Variants in MRPL23 observed in about 807,000 individuals in gnomAD.
MRPL23 encodes large ribosomal subunit protein uL23m.
For synonymous variants in MRPL23, 12 were observed against 34.8 expected, an observed-to-expected ratio of 0.35 and a Z score of 2.30; for missense variants, 25 against 81.3, an observed-to-expected ratio of 0.31 and a Z score of 2.66.
the MRPL23 span, chr11:1,991,847 G>A: frequency 7.2e-5 from 10 of 137,936 alleles, 2 homozygotes; most frequent in South Asian, 6.1e-4. Flanking sequence ...TTGAGTCCCC[G>A]ACTGTTTTCT....
At chr11:1,991,418 G>C in the MRPL23 span, among the ~76,000 whole-genome samples, 1 of 36,938 alleles carries the variant, frequency 2.7e-5, no homozygotes, top group Non-Finnish European at 6.4e-5. Flanking sequence ...CCTATGCTAT[G>C]CCTAGTGTGG....
At chr11:1,994,342 A>T in the MRPL23 span, among the ~76,000 whole-genome samples, 2 of 95,804 alleles carry the variant, frequency 2.1e-5, 1 homozygote, top group Non-Finnish European at 5.7e-5. Flanking sequence ...CTGACCCGGA[A>T]CCCATGAGTG....
At chr11:1,971,390 GCGGCTGCCCCGGGCCCTGGCT>G (rs1000608999) in intron 4 of MRPL23, among the ~76,000 whole-genome samples, 1 of 107,092 alleles carries the variant, frequency 9.3e-6, no homozygotes, top group Admixed American at 9.5e-5. Flanking sequence ...GTGCCACTTT[GCGGCTGCCCCGGGCCCTGGCT>G]CGGCTGCCCT....
At chr11:1,948,743 G>A (rs2119475974) in intron 1 of MRPL23, among the ~76,000 whole-genome samples, 1 of 43,246 alleles carries the variant, frequency 2.3e-5, no homozygotes, top group Middle Eastern at 0.014. Context: ...CCCATGCGGA[G>A]TGCTTGGGGT....
the MRPL23 span, among the ~76,000 whole-genome samples, chr11:1,991,550 T>TCACACACACACA: frequency 1.6e-4 from 11 of 67,822 alleles, no homozygotes; most frequent in East Asian, 3.5e-4. Context: ...TTGTCAGGCA[T>TCACACACACACA]CACACACACA....
At chr11:1,948,282 G>GGGAAC (rs3216953) in intron 1 of MRPL23, among the ~76,000 whole-genome samples, 1 of 1,172 alleles carries the variant, frequency 8.5e-4, no homozygotes, top group East Asian at 0.036. Context: ...CCTGACCTTG[G>GGGAAC]GGAACACCCA....
At chr11:1,991,721 G>C in the MRPL23 span, among the ~76,000 whole-genome samples, 1 of 126,530 alleles carries the variant, frequency 7.9e-6, no homozygotes, top group Non-Finnish European at 1.8e-5. Context: ...GAGGGCCCCC[G>C]CCCGGACCCA....
chr11:1,988,955 A>G (rs1315073606), downstream of MRPL23, among the ~76,000 whole-genome samples: 1 of 142,024 alleles, frequency 7.0e-6, no homozygotes, highest in Non-Finnish European at 1.6e-5. Context: ...GTCAGCACAC[A>G]CGCTCCCAGG....
downstream of MRPL23, among the ~76,000 whole-genome samples, chr11:1,963,619 C>T (rs1404660815): frequency 7.2e-6 from 1 of 138,020 alleles, no homozygotes; most frequent in South Asian, 2.8e-4. Context: ...GCAGCCTCCC[C>T]TCCAGATTGG....
intron 4 of MRPL23, among the ~76,000 whole-genome samples, chr11:1,971,113 C>A (rs1287454545): frequency 6.9e-6 from 1 of 145,882 alleles, no homozygotes; most frequent in Non-Finnish European, 1.5e-5. Flanking sequence ...GGCCACAGCC[C>A]TGCTTCCTGT....
intron 4 of MRPL23, among the ~76,000 whole-genome samples, chr11:1,971,316 T>A (rs893866261): frequency 9.6e-6 from 1 of 104,482 alleles, no homozygotes; most frequent in African/African-American, 2.8e-5. Context: ...CTGGAACTCC[T>A]CTCTCTTCCA....
chr11:1,983,554 T>C (rs1207447062), intron 5 of MRPL23: 1 of 103,070 alleles, frequency 9.7e-6, no homozygotes, highest in African/African-American at 3.4e-5. Context: ...TCAGGCCCAG[T>C]GGGTCTCTCT....
downstream of MRPL23, among the ~76,000 whole-genome samples, chr11:1,988,756 C>G (rs1434532538): frequency 7.2e-6 from 1 of 138,246 alleles, no homozygotes; most frequent in Non-Finnish European, 1.6e-5. Flanking sequence ...CCCGCCCCCG[C>G]CTTTCCCCTC....
chr11:1,991,574 A>ACACACC, the MRPL23 span, among the ~76,000 whole-genome samples: 3 of 126,062 alleles, frequency 2.4e-5, no homozygotes, highest in Non-Finnish European at 3.7e-5. Flanking sequence ...ACACACACAC[A>ACACACC]CACACACACA....
downstream of MRPL23, among the ~76,000 whole-genome samples, chr11:1,965,036 C>G (rs1856526980): frequency 2.9e-4 from 2 of 6,826 alleles, 1 homozygote; most frequent in African/African-American, 3.2e-4. Context: ...TCCCCAGTGG[C>G]GGGAACAGCA....
chr11:1,993,299 C>T, the MRPL23 span: 4 of 93,618 alleles, frequency 4.3e-5, no homozygotes, highest in African/African-American at 1.2e-4. Context: ...TCATACACCC[C>T]GGGCCCAGAG....
At chr11:1,954,326 TG>T (rs1423896545) in intron 4 of MRPL23, among the ~76,000 whole-genome samples, 1 of 45,170 alleles carries the variant, frequency 2.2e-5, no homozygotes, top group Non-Finnish European at 5.1e-5. Context: ...AAATGGGCCG[TG>T]GCCGTTGGTC....
intron 4 of MRPL23, among the ~76,000 whole-genome samples, chr11:1,971,049 TC>T (rs1856603319): frequency 7.1e-6 from 1 of 140,782 alleles, no homozygotes; most frequent in African/African-American, 2.5e-5. Flanking sequence ...TGGACTTTGC[TC>T]CTCTGCACCC....
Position 1,971,290 on chromosome 11 carries a change from G to T in MRPL23, c.298-1269G>T, listed in dbSNP as rs1209216658. ...CCTCCACCTTCCAGCCACACAGAGGGCCCCCCAGTGCGCCCCTGGAACTCC... is the reference window on the plus strand; with the variant it reads ...CCTCCACCTTCCAGCCACACAGAGGTCCCCCCAGTGCGCCCCTGGAACTCC... On this transcript the variant is annotated intron_variant, in intron 4 of 4. Transcript: ENST00000397294. Among the ~76,000 whole-genome samples, 2 of 107,548 alleles carry T rather than the reference G, an allele frequency of 1.9e-5. 1 individual carries two copies. The highest frequency in any genetic ancestry group is 4.6e-5 in the Non-Finnish European group (2 of 43,684). The allele number at this position is 107,548 out of a possible 152,430, so 70.6% of individuals were successfully genotyped here. A position where few individuals can be genotyped will look rare whatever the true frequency, so the allele number is the denominator to read the frequency against.
Sources: gnomAD v4.1 joint callset for allele counts (sites outside exome capture counted in the v4.1 genomes callset) on GRCh38, gnomAD v4.1.1 for gene constraint, MANE v1.5 for transcripts, NCBI Gene and HGNC (gene_info 2026-07-23, HGNC 2026-07-21) for gene names.